Variants in DHRS2 observed in about 807,000 individuals in gnomAD.
DHRS2 encodes the protein dehydrogenase/reductase SDR family member 2, mitochondrial.
A neutral mutation model predicts 26.3 loss-of-function variants in DHRS2; 29 were observed. That is an observed-to-expected ratio of 1.10 (90% CI 0.82 to 1.50). The LOEUF (loss-of-function observed/expected upper bound fraction) is 1.50, where lower values mean the gene tolerates loss of function less well. Ranked by LOEUF, DHRS2 falls within the 40% of genes most tolerant of loss-of-function variation. The pLI is 0.00. For missense variants in DHRS2, 439 were observed against 367.1 expected (o/e 1.20, Z -1.60); for synonymous variants, 164 against 151.3 (o/e 1.08, Z -0.62).
chr14:23,644,891 G>C lies in DHRS2; in HGVS notation c.731+9G>C. 4 of 1,614,144 alleles carry C rather than the reference G, an allele frequency of 2.5e-6. No individual in the cohort carries two copies. Among genetic ancestry groups the C allele is most frequent in the Non-Finnish European group, 3.4e-6 (4 of 1,179,988 alleles). Reference sequence around the variant, plus strand: ...CATCATCAGCTGCAGAGGCAAGTGGGGTTTGGAGATTTGGTGGTCCATGTG... The same window carrying C: ...CATCATCAGCTGCAGAGGCAAGTGGCGTTTGGAGATTTGGTGGTCCATGTG... On this transcript the variant is annotated intron_variant, in intron 8 of 8. Coordinates refer to ENST00000250383, the MANE Select transcript of DHRS2 (RefSeq NM_005794.4).
chr14:23,641,792 C>G, intron 4 of DHRS2: 1 of 1,285,488 alleles, frequency 7.8e-7, no homozygotes, highest in Non-Finnish European at 1.0e-6. Flanking sequence ...ATTTCTCCTT[C>G]CCACATCCAA....
At position 23,643,228 on chromosome 14, in the gene DHRS2, G is replaced by A; in HGVS notation, c.488+9G>A. 1.9e-6 allele frequency: 3 copies of A among 1,613,670 alleles called. No homozygotes were observed. The highest frequency in any genetic ancestry group is 2.5e-6 in the Non-Finnish European group (3 of 1,179,914). On this transcript the variant is annotated intron_variant, in intron 5 of 8. Coordinates refer to ENST00000250383, the MANE Select transcript of DHRS2 (RefSeq NM_005794.4). Reference sequence around the variant, plus strand: ...CCCTACATGGAGAACAGGTATGGCAGGGCGGGGGTGGGGACCAGTCGGAGT... The same window carrying A: ...CCCTACATGGAGAACAGGTATGGCAAGGCGGGGGTGGGGACCAGTCGGAGT...
rs1890762634 is a variant in DHRS2 at position 23,643,781 on chromosome 14, A to C, written c.489-330A>C. 4.8e-5 allele frequency: 19 copies of C among 393,940 alleles called. No individual in the cohort carries two copies. In the South Asian group the frequency reaches 4.9e-4, roughly 10 times the overall value. The allele number at this position is 393,940 out of a possible 1,614,324, so 24.4% of individuals were successfully genotyped here. On this transcript the variant is annotated intron_variant, in intron 5 of 8. Coordinates refer to ENST00000250383, the MANE Select transcript of DHRS2 (RefSeq NM_005794.4). The stretch of plus-strand genomic sequence containing the variant: ...CCCATCTGCTCCTTAGAGGTTGCTC[A>C]TTGATAGGCACTCACCATCAGCCTT...
upstream of DHRS2, among the ~76,000 whole-genome samples, chr14:23,634,017 A>G (rs1292167387): frequency 6.6e-6 from 1 of 151,440 alleles, no homozygotes; most frequent in African/African-American, 2.4e-5. Context: ...CTTATCAAAT[A>G]CAACATTGCC....
At chr14:23,640,307 G>A in intron 4 of DHRS2, 1 of 985,784 alleles carries the variant, frequency 1.0e-6, no homozygotes, top group Non-Finnish European at 1.2e-6. Flanking sequence ...TTTCTTTGGT[G>A]ACCTGTGCCT....
Position 23,644,859 on chromosome 14 carries a change from C to A in DHRS2, c.708C>A (p.Phe236Leu). The change falls in exon 8 of 9, where the codon TTC (phenylalanine) becomes TTA (leucine). Residue 236 changes from phenylalanine to leucine, a missense_variant. Coordinates refer to ENST00000250383, the MANE Select transcript of DHRS2 (RefSeq NM_005794.4). ...GGAATGAGTCTCTCTGGAAGAACTTCAAGGAACATCATCAGCTGCAGAGGC... is the reference window on the plus strand; with the variant it reads ...GGAATGAGTCTCTCTGGAAGAACTTAAAGGAACATCATCAGCTGCAGAGGC... The part of the protein sequence containing the change: ...FHGNESLWKN[F>L]KEHHQLQRIG... 2 of 1,614,186 alleles carry A rather than the reference C, an allele frequency of 1.2e-6. No homozygotes were observed. The highest frequency in any genetic ancestry group is 1.7e-6 in the Non-Finnish European group (2 of 1,180,042).
At chr14:23,632,029 C>G (rs953875729), upstream of DHRS2, among the ~76,000 whole-genome samples, 1 of 152,204 alleles carries the variant, frequency 6.6e-6, no homozygotes, top group Admixed American at 6.5e-5. Context: ...ACAAGCAGGG[C>G]TTGGTAAGAA....
intron 6 of DHRS2, 82 bp downstream of exon 6, chr14:23,644,244 G>T: frequency 6.3e-7 from 1 of 1,579,842 alleles, no homozygotes; most frequent in Non-Finnish European, 8.7e-7. Context: ...TACAGACAAA[G>T]TGCCTGGGAC....
intron 7 of DHRS2, 113 bp downstream of exon 7, chr14:23,644,656 G>T: frequency 6.5e-7 from 1 of 1,538,934 alleles, no homozygotes; most frequent in Non-Finnish European, 8.9e-7. Context: ...TATGACTGAG[G>T]TCCTCATTGT....
intron 1 of DHRS2, 131 bp downstream of exon 1, chr14:23,636,903 T>G (rs1890329102): frequency 6.6e-6 from 1 of 152,218 alleles, no homozygotes; most frequent in South Asian, 2.1e-4. Context: ...AACGTGGGTG[T>G]CAGGCTTTCT....
At chr14:23,633,748 G>C (rs1594233884), upstream of DHRS2, among the ~76,000 whole-genome samples, 1 of 152,120 alleles carries the variant, frequency 6.6e-6, no homozygotes, top group Non-Finnish European at 1.5e-5. Flanking sequence ...AGAAAGTTTT[G>C]CTTATTTAAA....
At chr14:23,639,503 G>A in intron 3 of DHRS2, 147 bp downstream of exon 3, 16 of 1,249,772 alleles carry the variant, frequency 1.3e-5, no homozygotes, top group Non-Finnish European at 1.7e-5. Flanking sequence ...TACCCAGAAG[G>A]TCCCTCAGGA....
intron 2 of DHRS2, 44 bp downstream of exon 2, chr14:23,639,048 C>T (rs1361131559): frequency 1.2e-6 from 2 of 1,602,412 alleles, no homozygotes; most frequent in African/African-American, 2.7e-5. Context: ...TCACAGGGTC[C>T]TTGTGGCTTC....
At position 23,644,780 on chromosome 14, in the gene DHRS2, A is replaced by ATCT. The variant is rs137863464; in HGVS notation, c.676-45_676-43dup. 5.2e-3 allele frequency: 8,309 copies of ATCT among 1,607,316 alleles called. 387 individuals are homozygous for ATCT. In the African/African-American group the frequency reaches 0.097, roughly 19 times the overall value. On this transcript the variant is annotated intron_variant, in intron 7 of 8. Coordinates refer to ENST00000250383, the MANE Select transcript of DHRS2 (RefSeq NM_005794.4). ...TGGTGGCCTTCCCGGGGCCCTGCCC[A>ATCT]TCTTGTTTTAGTAGCACTGACTCCT...
At position 23,637,541 on chromosome 14, in the gene DHRS2, T is replaced by C. The variant is rs553680614; in HGVS notation, c.-39+769T>C. Among the ~76,000 whole-genome samples the C allele has an allele frequency of 5.3e-4, 80 of 152,076 alleles. 1 individual carries two copies. Among genetic ancestry groups the C allele is most frequent in the Middle Eastern group, 6.8e-3 (2 of 294 alleles). ...ACCCCTTCCCTCCCTCAGGTTACTC[T>C]TCTTCATTTTTGGGGCATAACATCT... On this transcript the variant is annotated intron_variant, in intron 1 of 8. Transcript: ENST00000250383.
intron 3 of DHRS2, among the ~76,000 whole-genome samples, 196 bp from the exon 4 acceptor site, chr14:23,639,598 G>A (rs1222065923): frequency 6.6e-6 from 1 of 152,092 alleles, no homozygotes; most frequent in Non-Finnish European, 1.5e-5. Flanking sequence ...AGGGGTGAGG[G>A]AGGTCCCCAG....
chr14:23,638,701 C>A (rs1404482522), intron 1 of DHRS2, 126 bp from the exon 2 acceptor site: 1 of 976,090 alleles, frequency 1.0e-6, no homozygotes, highest in Non-Finnish European at 1.5e-6. Context: ...TGAAATTTAC[C>A]CTAACCAGCC....
intron 4 of DHRS2, chr14:23,642,826 C>T (rs1413417779): frequency 3.0e-5 from 7 of 231,286 alleles, no homozygotes; most frequent in Non-Finnish European, 5.2e-5. Context: ...CCTTGGCCTC[C>T]TAAAGTGCTG....
chr14:23,644,623 C>T, intron 7 of DHRS2, 80 bp downstream of exon 7: 1 of 1,602,360 alleles, frequency 6.2e-7, no homozygotes, highest in Non-Finnish European at 8.5e-7. Context: ...CAAGGGGTGA[C>T]TGAATCCTTA....
Sources: gnomAD v4.1 joint callset for allele counts (sites outside exome capture counted in the v4.1 genomes callset) on GRCh38, gnomAD v4.1.1 for gene constraint, MANE v1.5 for transcripts, NCBI Gene and HGNC (gene_info 2026-07-23, HGNC 2026-07-21) for gene names.